Variants in RASGEF1A observed in about 807,000 individuals in gnomAD.
RASGEF1A encodes the protein RasGEF domain family member 1A.
Under a neutral mutation model 56.4 loss-of-function variants are expected in RASGEF1A, and 18 were observed. The observed-to-expected ratio is 0.32, with a 90% CI of 0.22 to 0.47. The LOEUF is 0.47. Among genes scored for constraint, RASGEF1A ranks in the 20% least tolerant of loss-of-function variants. The probability of loss-of-function intolerance (pLI) is 1.00; values close to 1 mark genes in which losing one functional copy is unlikely to be tolerated. For missense variants in RASGEF1A, 422 were observed against 627.1 expected, an observed-to-expected ratio of 0.67 and a Z score of 3.49; for synonymous variants, 245 against 242.6, an observed-to-expected ratio of 1.01 and a Z score of -0.09.
At chr10:43,204,629 TGTGA>T (rs901597910) in intron 2 of RASGEF1A, among the ~76,000 whole-genome samples, 73 of 151,830 alleles carry the variant, frequency 4.8e-4, no homozygotes, top group Non-Finnish European at 8.7e-4. Context: ...TGTGTGCATG[TGTGA>T]GTGTGTTCAG....
At chr10:43,257,031 C>T (rs1029375646) in intron 1 of RASGEF1A, among the ~76,000 whole-genome samples, 2 of 152,200 alleles carry the variant, frequency 1.3e-5, no homozygotes, top group Non-Finnish European at 2.9e-5. Flanking sequence ...GAGTCTGGGC[C>T]ATGCCTGGCG....
intron 1 of RASGEF1A, among the ~76,000 whole-genome samples, chr10:43,221,482 C>T (rs1840206980): frequency 6.6e-6 from 1 of 152,202 alleles, no homozygotes; most frequent in African/African-American, 2.4e-5. Context: ...CAGCGCCAGT[C>T]TGGGAAACTG....
intron 3 of RASGEF1A, 81 bp from the exon 4 acceptor site, chr10:43,202,026 T>C (rs933353221): frequency 1.4e-5 from 20 of 1,414,862 alleles, no homozygotes; most frequent in South Asian, 1.5e-5. Context: ...GCTTCCCACA[T>C]CCCCAAGCCA....
At chr10:43,207,038 T>G in intron 1 of RASGEF1A, 1 of 985,374 alleles carries the variant, frequency 1.0e-6, no homozygotes, top group Non-Finnish European at 1.2e-6. Flanking sequence ...TCTGAAGCCC[T>G]CTGGGCCTGT....
In RASGEF1A at chr10:43,205,970, G is replaced by A. The variant is rs373097838; in HGVS notation, c.147C>T (p.Ser49=). The part of the protein sequence containing the change: ...IFQDGHLISG[S]LEALMEHLVP... The stretch of plus-strand genomic sequence containing the variant: ...CAAGGTGCTCCATCAGGGCCTCCAG[G>A]GACCCAGAGATGAGGTGTCCATCTT... Residue 49 remains serine (S), a synonymous_variant, in exon 2 of 13, where the codon TCC becomes TCT. Coordinates refer to ENST00000395810, the MANE Select transcript of RASGEF1A (RefSeq NM_145313.4). The A allele has an allele frequency of 2.5e-5, 41 of 1,613,324 alleles. No individual in the cohort carries two copies. In the Middle Eastern group the frequency reaches 4.9e-4, roughly 19 times the overall value.
At chr10:43,227,932 C>T (rs1323638024) in intron 1 of RASGEF1A, among the ~76,000 whole-genome samples, 1 of 152,124 alleles carries the variant, frequency 6.6e-6, no homozygotes, top group Non-Finnish European at 1.5e-5. Context: ...CCTCCTCCTC[C>T]TTCTCTGCCA....
intron 1 of RASGEF1A, among the ~76,000 whole-genome samples, chr10:43,209,775 G>A (rs1193681612): frequency 6.6e-6 from 1 of 152,192 alleles, no homozygotes; most frequent in Non-Finnish European, 1.5e-5. Context: ...CCCAAGTCCA[G>A]CTGGGGCTGG....
chr10:43,210,359 A>C (rs1386878376), intron 1 of RASGEF1A, among the ~76,000 whole-genome samples: 1 of 152,214 alleles, frequency 6.6e-6, no homozygotes, highest in Non-Finnish European at 1.5e-5. Context: ...CTGTGGTTCC[A>C]GCTACTTGGG....
intron 9 of RASGEF1A, among the ~76,000 whole-genome samples, chr10:43,198,716 TC>T (rs984532243): frequency 6.6e-6 from 1 of 152,182 alleles, no homozygotes; most frequent in Non-Finnish European, 1.5e-5. Context: ...ACTCTGGAAC[TC>T]GCCTTAGGTG....
At chr10:43,219,656 C>A (rs1013285048) in intron 1 of RASGEF1A, among the ~76,000 whole-genome samples, 2 of 152,180 alleles carry the variant, frequency 1.3e-5, no homozygotes, top group Admixed American at 6.5e-5. Context: ...GGACAGTGAG[C>A]GGGCAGGGTC....
chr10:43,209,142 C>T (rs1490285292), intron 1 of RASGEF1A: 2 of 985,362 alleles, frequency 2.0e-6, no homozygotes, highest in East Asian at 1.1e-4. Context: ...GGAAGAATTG[C>T]ACACTGGGCT....
Position 43,205,472 on chromosome 10 carries a change from C to T in RASGEF1A, c.198+447G>A, listed in dbSNP as rs527367043. 1.3e-3 allele frequency among the ~76,000 whole-genome samples: 198 copies of T among 152,258 alleles called. 1 individual carries two copies. Among genetic ancestry groups the T allele is most frequent in the South Asian group, 6.6e-3 (32 of 4,830 alleles). The stretch of plus-strand genomic sequence containing the variant: ...CAGGCCGGGCCATCTCCTCTTCATT[C>T]TGGACCACCAGGGTTTATGTACAAA... On this transcript the variant is annotated intron_variant, in intron 2 of 12. Coordinates refer to ENST00000395810, the MANE Select transcript of RASGEF1A (RefSeq NM_145313.4).
rs1839876689 is a variant in RASGEF1A, at chr10:43,200,476, G to A, written c.681+191C>T. 2.6e-5 allele frequency among the ~76,000 whole-genome samples: 4 copies of A among 152,190 alleles called. No homozygotes were observed. The South Asian group carries it at 8.3e-4, about 31-fold the overall frequency. Reference sequence around the variant, plus strand: ...ACAGCACTGCTGTGTTCCTGAGGACGTGAGTGCCAGGCACAGAGGTGCCCG... The same window carrying A: ...ACAGCACTGCTGTGTTCCTGAGGACATGAGTGCCAGGCACAGAGGTGCCCG... On this transcript the variant is annotated intron_variant, in intron 5 of 12. Transcript: ENST00000395810.
intron 1 of RASGEF1A, among the ~76,000 whole-genome samples, chr10:43,266,174 C>G (rs961327728): frequency 6.6e-6 from 1 of 152,174 alleles, no homozygotes; most frequent in African/African-American, 2.4e-5. Flanking sequence ...CAGGGGACTC[C>G]CGCCCCCACC....
At chr10:43,245,767 A>G (rs1840561080) in intron 1 of RASGEF1A, among the ~76,000 whole-genome samples, 1 of 152,224 alleles carries the variant, frequency 6.6e-6, no homozygotes, top group African/African-American at 2.4e-5. Context: ...AACTTCATCA[A>G]TCCAATAAAG....
chr10:43,229,705 C>T (rs971257354), intron 1 of RASGEF1A: 4 of 1,424,104 alleles, frequency 2.8e-6, no homozygotes, highest in African/African-American at 1.5e-5. Context: ...GTCCAGCGAG[C>T]GGCGGCTCCT....
At chr10:43,262,103 G>C (rs542309596) in intron 1 of RASGEF1A, among the ~76,000 whole-genome samples, 1 of 152,158 alleles carries the variant, frequency 6.6e-6, no homozygotes, top group African/African-American at 2.4e-5. Flanking sequence ...CTGGGTACCA[G>C]AGACCTGGAG....
At chr10:43,251,051 G>C (rs758987469) in intron 1 of RASGEF1A, among the ~76,000 whole-genome samples, 2 of 152,228 alleles carry the variant, frequency 1.3e-5, no homozygotes, top group Non-Finnish European at 2.9e-5. Flanking sequence ...CTCTGAGGCT[G>C]CAGGGCGTGG....
intron 1 of RASGEF1A, among the ~76,000 whole-genome samples, chr10:43,231,593 C>T (rs918334461): frequency 6.6e-6 from 1 of 152,286 alleles, no homozygotes; most frequent in African/African-American, 2.4e-5. Context: ...CAGTGTCACC[C>T]AAGGACCTTG....
Sources: gnomAD v4.1 joint callset for allele counts (sites outside exome capture counted in the v4.1 genomes callset) on GRCh38, gnomAD v4.1.1 for gene constraint, MANE v1.5 for transcripts, NCBI Gene and HGNC (gene_info 2026-07-23, HGNC 2026-07-21) for gene names.